Variants in PCDH15 observed in about 807,000 individuals in gnomAD.
The protein encoded by PCDH15 is protocadherin-15.
In PCDH15, 129 loss-of-function variants were observed where a neutral mutation model predicts 178.5. The ratio of observed to expected loss-of-function variants is 0.72; its 90% confidence interval spans 0.63 to 0.84. The LOEUF (loss-of-function observed/expected upper bound fraction) is 0.84, where lower values mean the gene tolerates loss of function less well. Ranked by LOEUF, PCDH15 falls within the 40% of genes least tolerant of loss-of-function variation. The probability of loss-of-function intolerance (pLI) is 0.00; values close to 1 mark genes in which losing one functional copy is unlikely to be tolerated. For missense variants in PCDH15, 2,230 were observed against 2,099.9 expected (o/e 1.06, Z -1.21); for synonymous variants, 800 against 732.0 (o/e 1.09, Z -1.50).
intron 2 of PCDH15, among the ~76,000 whole-genome samples, chr10:55,522,186 T>C (rs1005218546): frequency 6.6e-5 from 10 of 151,936 alleles, no homozygotes; most frequent in African/African-American, 2.4e-4. Flanking sequence ...AATTCTCTTC[T>C]CTGCAAACCT....
intron 2 of PCDH15, among the ~76,000 whole-genome samples, chr10:55,419,217 A>G (rs1247395479): frequency 6.6e-6 from 1 of 151,772 alleles, no homozygotes; most frequent in Non-Finnish European, 1.5e-5. Flanking sequence ...ACGGAGCTGA[A>G]GTAGAAACTG....
At chr10:54,835,716 C>A (rs142511123) in intron 3 of PCDH15, among the ~76,000 whole-genome samples, 2,799 of 152,188 alleles carry the variant, frequency 0.018, 26 homozygotes, top group Non-Finnish European at 0.028. Flanking sequence ...AATATTACAG[C>A]ATTCAGAGGA....
At chr10:54,906,534 C>T (rs564214298) in intron 2 of PCDH15, among the ~76,000 whole-genome samples, 61 of 152,060 alleles carry the variant, frequency 4.0e-4, no homozygotes, top group African/African-American at 1.4e-3. Context: ...AATTTAAACT[C>T]CAGGATTTAT....
At chr10:54,768,891 A>G (rs1355263425) in intron 1 of PCDH15, among the ~76,000 whole-genome samples, 1 of 152,102 alleles carries the variant, frequency 6.6e-6, no homozygotes, top group African/African-American at 2.4e-5. Flanking sequence ...CTATAGTTTT[A>G]GTTTGAAACC....
chr10:54,662,455 G>T (rs2094506203), intron 2 of PCDH15, among the ~76,000 whole-genome samples: 1 of 151,864 alleles, frequency 6.6e-6, no homozygotes, highest in Non-Finnish European at 1.5e-5. Context: ...GTACATTAAA[G>T]TCAGCTCCAC....
At chr10:55,232,895 T>C (rs555012916) in intron 1 of PCDH15, among the ~76,000 whole-genome samples, 212 of 152,242 alleles carry the variant, frequency 1.4e-3, no homozygotes, top group Non-Finnish European at 2.3e-3. Flanking sequence ...AGCTGAGATC[T>C]TGATTGTGGC....
At chr10:54,968,091 A>C in intron 2 of PCDH15, among the ~76,000 whole-genome samples, 1 of 152,148 alleles carries the variant, frequency 6.6e-6, no homozygotes, top group East Asian at 1.9e-4. Flanking sequence ...GACCATTTGC[A>C]TTATTTCTTA....
At chr10:54,176,409 T>C (rs972910694) in intron 13 of PCDH15, among the ~76,000 whole-genome samples, 8 of 152,160 alleles carry the variant, frequency 5.3e-5, no homozygotes, top group African/African-American at 1.9e-4. Flanking sequence ...GTAACAATTG[T>C]ACTGTGTGTT....
At chr10:54,398,911 A>G (rs1429918443) in intron 3 of PCDH15, among the ~76,000 whole-genome samples, 2 of 152,116 alleles carry the variant, frequency 1.3e-5, no homozygotes, top group African/African-American at 4.8e-5. Context: ...AAGTTCAAAT[A>G]ATGTAAATGG....
intron 2 of PCDH15, among the ~76,000 whole-genome samples, chr10:55,044,708 C>A (rs558369008): frequency 5.9e-5 from 9 of 152,226 alleles, no homozygotes; most frequent in African/African-American, 1.7e-4. Context: ...TAAGTCTACA[C>A]TAGATCCTTC....
chr10:54,010,684 T>C (rs150842231), intron 20 of PCDH15, among the ~76,000 whole-genome samples: 1 of 152,232 alleles, frequency 6.6e-6, no homozygotes, highest in East Asian at 1.9e-4. Context: ...TGACTGCAGC[T>C]ACCCTTGGGC....
At chr10:55,457,965 T>G (rs1839591325) in intron 2 of PCDH15, among the ~76,000 whole-genome samples, 2 of 152,098 alleles carry the variant, frequency 1.3e-5, no homozygotes, top group South Asian at 4.1e-4. Flanking sequence ...CACAGGCTTA[T>G]TAGATTTCTA....
intron 2 of PCDH15, chr10:55,468,203 A>G (rs1387731076): frequency 3.3e-5 from 5 of 152,112 alleles, no homozygotes; most frequent in Admixed American, 2.6e-4. Flanking sequence ...TCCTCAGAGA[A>G]CACTAAAATC....
At chr10:54,383,627 T>TGTG (rs1589141516) in intron 3 of PCDH15, among the ~76,000 whole-genome samples, 18,477 of 104,618 alleles carry the variant, frequency 0.18, 1,640 homozygotes, top group Non-Finnish European at 0.21. Flanking sequence ...GTATGTGTGT[T>TGTG]TTTGTGTGTG....
chr10:54,238,985 G>A (rs969399186), intron 8 of PCDH15, among the ~76,000 whole-genome samples: 2 of 152,028 alleles, frequency 1.3e-5, no homozygotes, highest in African/African-American at 4.8e-5. Flanking sequence ...TTTCAAATCT[G>A]AGGATTTTCT....
At chr10:54,314,130 TACACACACACACAC>T (rs58949602) in intron 8 of PCDH15, among the ~76,000 whole-genome samples, 24 of 149,824 alleles carry the variant, frequency 1.6e-4, no homozygotes, top group Middle Eastern at 3.5e-3. Flanking sequence ...TAATTGGAAG[TACACACACACACAC>T]ACACACACAC....
At chr10:54,035,078 C>A (rs562043191) in intron 18 of PCDH15, among the ~76,000 whole-genome samples, 17 of 151,846 alleles carry the variant, frequency 1.1e-4, no homozygotes, top group Non-Finnish European at 1.9e-4. Flanking sequence ...ATTGGCCAAG[C>A]AGAAATTTTC....
rs976214417 is a variant in PCDH15 at position 54,421,682 on chromosome 10, A to G, written c.158-42740T>C. On this transcript the variant is annotated intron_variant, in intron 3 of 37. Transcript: ENST00000644397. ...GTAGTGTATATATACATATATATATATATATATATATACACACACACACAC... is the reference window on the plus strand; with the variant it reads ...GTAGTGTATATATACATATATATATGTATATATATATACACACACACACAC... Among the ~76,000 whole-genome samples the G allele has an allele frequency of 2.5e-5, 3 of 121,840 alleles. 1 individual carries two copies. Among genetic ancestry groups the G allele is most frequent in the South Asian group, 2.6e-4 (1 of 3,860 alleles). The allele number at this position is 121,840 out of a possible 152,430, so 79.9% of individuals were successfully genotyped here. A position where few individuals can be genotyped will look rare whatever the true frequency, so the allele number is the denominator to read the frequency against.
At chr10:54,855,174 T>C (rs1324627041) in intron 3 of PCDH15, among the ~76,000 whole-genome samples, 1 of 152,158 alleles carries the variant, frequency 6.6e-6, no homozygotes, top group African/African-American at 2.4e-5. Flanking sequence ...TAGCAGGCAT[T>C]TTCAAGCTTG....
Sources: allele counts gnomAD v4.1 joint callset (sites outside exome capture counted in the v4.1 genomes callset), GRCh38; gene constraint gnomAD v4.1.1; transcripts MANE v1.5; gene names NCBI Gene and HGNC (gene_info 2026-07-23, HGNC 2026-07-21).